The following SYNE1 variants were observed in gnomAD, a reference collection of about 807,000 sequenced individuals.
The protein encoded by SYNE1 is spectrin repeat containing nuclear envelope protein 1.
A neutral mutation model predicts 1,111.0 loss-of-function variants in SYNE1; 616 were observed. That is an observed-to-expected ratio of 0.55 (90% CI 0.52 to 0.59). The LOEUF (loss-of-function observed/expected upper bound fraction) is 0.59, where lower values mean the gene tolerates loss of function less well. SYNE1 is among the 20% of genes least tolerant of loss of function. The probability of loss-of-function intolerance (pLI) is 0.00; values close to 1 mark genes in which losing one functional copy is unlikely to be tolerated. For synonymous variants in SYNE1, 3,855 were observed against 3,825.8 expected (o/e 1.01, Z -0.28); for missense variants, 10,006 against 10,417.0 (o/e 0.96, Z 1.72).
chr6:152,257,767 A>G (rs915730893), intron 101 of SYNE1, among the ~76,000 whole-genome samples: 1 of 152,206 alleles, frequency 6.6e-6, no homozygotes, highest in Non-Finnish European at 1.5e-5. Flanking sequence ...GTCAATAGGT[A>G]TAGAAAAAAG....
Position 152,369,267 on chromosome 6 carries a change from C to G in SYNE1, c.9652-140G>C, listed in dbSNP as rs778888467. ...GGCTTTATTATCTCCAATCTACACA[C>G]CGTGGAGCACAAATCATGGAAGGAA... On this transcript the variant is annotated intron_variant, in intron 60 of 145. Transcript: ENST00000367255. 3 of 1,338,342 alleles carry G rather than the reference C, an allele frequency of 2.2e-6. No individual in the cohort carries two copies. The African/African-American group carries it at 4.3e-5, about 19-fold the overall frequency. The allele number at this position is 1,338,342 out of a possible 1,614,324, so 82.9% of individuals were successfully genotyped here. A position where few individuals can be genotyped will look rare whatever the true frequency, so the allele number is the denominator to read the frequency against.
rs17082448 is a variant in SYNE1, at chr6:152,318,049, C to G, written c.16572+32G>C. ...GCAGAACATGGAAGTTTCTGCCTTA[C>G]ACGATTTGGATTTCTGGCCCGGAAC... On this transcript the variant is annotated intron_variant, in intron 86 of 145. Coordinates refer to ENST00000367255, the MANE Select transcript of SYNE1 (RefSeq NM_182961.4). The G allele has an allele frequency of 0.051, 81,528 of 1,613,796 alleles. 3,145 individuals carry two copies. The highest frequency in any genetic ancestry group is 0.2 in the African/African-American group (15,225 of 74,976).
Position 152,636,110 on chromosome 6 carries a change from T to C in SYNE1, c.-224+528A>G, listed in dbSNP as rs149979701. Reference sequence around the variant, plus strand: ...AGACGAAAGTTCTCTTGCCCTCTAGTGCAGGCTCTGCCGGGAAGCAACTGC... The same window carrying C: ...AGACGAAAGTTCTCTTGCCCTCTAGCGCAGGCTCTGCCGGGAAGCAACTGC... On this transcript the variant is annotated intron_variant, in intron 2 of 145. Transcript: ENST00000367255. Among the ~76,000 whole-genome samples the C allele has an allele frequency of 3.4e-3, 513 of 152,312 alleles. 1 individual carries two copies. Among genetic ancestry groups the C allele is most frequent in the Non-Finnish European group, 6.4e-3 (434 of 68,026 alleles).
At chr6:152,427,861 T>C (rs1157124411) in intron 37 of SYNE1, 45 bp from the exon 38 acceptor site, 1 of 1,613,022 alleles carries the variant, frequency 6.2e-7, no homozygotes, top group African/African-American at 1.3e-5. Flanking sequence ...AAAATTATCA[T>C]GCTAGCAGAT....
At chr6:152,289,915 C>A (rs1038103065) in intron 95 of SYNE1, among the ~76,000 whole-genome samples, 1 of 145,444 alleles carries the variant, frequency 6.9e-6, no homozygotes, top group African/African-American at 2.5e-5. Flanking sequence ...CATGAGCTAC[C>A]GCGCCCAGCC....
At chr6:152,381,800 T>C (rs1433932346) in intron 55 of SYNE1, among the ~76,000 whole-genome samples, 3 of 152,164 alleles carry the variant, frequency 2.0e-5, no homozygotes, top group Admixed American at 1.3e-4. Context: ...AACAGGGTGG[T>C]GGCTTAAATC....
At chr6:152,230,409 A>G (rs993611546) in intron 115 of SYNE1, 138 bp downstream of exon 115, 2 of 923,122 alleles carry the variant, frequency 2.2e-6, no homozygotes, top group African/African-American at 3.4e-5. Flanking sequence ...AACTCACAAA[A>G]TCAGCAAAAT....
rs746113948 is a variant in SYNE1, at chr6:152,541,627, A to G, written c.68-1606T>C. On this transcript the variant is annotated intron_variant, in intron 3 of 145. Coordinates refer to ENST00000367255, the MANE Select transcript of SYNE1 (RefSeq NM_182961.4). ...GCCGGGTGTGCTGGCGGGCCTCTGT[A>G]GTCCCAGCTACTCAGGAGGCTGAGG... Among the ~76,000 whole-genome samples the G allele has an allele frequency of 4.4e-4, 67 of 151,874 alleles. 1 individual carries two copies. Among genetic ancestry groups the G allele is most frequent in the Admixed American group, 2.0e-4 (3 of 15,218 alleles).
rs1405575536 is a variant in SYNE1, at chr6:152,488,495, G to C, written c.948C>G (p.Asp316Glu). 6.4e-7 allele frequency: 1 copy of C among 1,570,130 alleles called. No individual in the cohort carries two copies. The highest frequency in any genetic ancestry group is 1.4e-5 in the African/African-American group (1 of 73,986). ...ANSVQNFKRE[D>E]RVIFKEMKVW... ...CTTTCATTTCCTTAAAAATTACTCTGTCTTCTCTCTGGAAATGAGGAGACA... is the reference window on the plus strand; with the variant it reads ...CTTTCATTTCCTTAAAAATTACTCTCTCTTCTCTCTGGAAATGAGGAGACA... Residue 316 changes from aspartate to glutamate, a missense_variant, in exon 12 of 146, where the codon GAC becomes GAG. Asp to Glu is a conservative substitution (Grantham distance 45). Coordinates refer to ENST00000367255, the MANE Select transcript of SYNE1 (RefSeq NM_182961.4).
intron 130 of SYNE1, among the ~76,000 whole-genome samples, chr6:152,171,875 C>T (rs1294929782): frequency 6.6e-6 from 1 of 152,096 alleles, no homozygotes; most frequent in Non-Finnish European, 1.5e-5. Flanking sequence ...GACTATTTGG[C>T]CCACAAAACT....
In SYNE1 at chr6:152,255,047, T is replaced by C. The variant is rs1433787324; in HGVS notation, c.19303A>G (p.Lys6435Glu). 8 of 1,609,874 alleles carry C rather than the reference T, an allele frequency of 5.0e-6. No homozygotes were observed. Among genetic ancestry groups the C allele is most frequent in the Non-Finnish European group, 6.8e-6 (8 of 1,177,450 alleles). Residue 6435 changes from lysine (K) to glutamate (E), a missense_variant, in exon 104 of 146, where the codon AAG becomes GAG. By Grantham distance (56) the Lys-to-Glu change is moderately conservative. Coordinates refer to ENST00000367255, the MANE Select transcript of SYNE1 (RefSeq NM_182961.4). ...GCTTGGGAAAACAAGTTTTTGTTCT[T>C]ATCCATTTCTTCAGACATTTCCTTA... ...DIKEMSEEMDKNKNLFSQAFP... is the reference protein window; with the variant it reads ...DIKEMSEEMDENKNLFSQAFP...
At chr6:152,464,605 C>A (rs2098753362) in intron 18 of SYNE1, among the ~76,000 whole-genome samples, 1 of 152,128 alleles carries the variant, frequency 6.6e-6, no homozygotes, top group Non-Finnish European at 1.5e-5. Flanking sequence ...CTAATGCATG[C>A]ATTTTTAGTA....
At chr6:152,515,990 T>A (rs988690386) in intron 6 of SYNE1, among the ~76,000 whole-genome samples, 1 of 152,184 alleles carries the variant, frequency 6.6e-6, no homozygotes, top group Admixed American at 6.5e-5. Context: ...ATAAATGTCC[T>A]GTTATCAAAA....
chr6:152,236,111 T>G lies in SYNE1; in HGVS notation c.20392A>C (p.Thr6798Pro). Residue 6798 changes from threonine (T) to proline (P), a missense_variant, in exon 110 of 146, where the codon ACC becomes CCC. Thr to Pro is a conservative substitution (Grantham distance 38). Coordinates refer to ENST00000367255, the MANE Select transcript of SYNE1 (RefSeq NM_182961.4). ...HRLETILKHW[T>P]RYQSESADLI... ...ACAAAACAGTCATTGTATTACCTGG[T>G]CCAGTGTTTCAATATTGTTTCCAGT... The G allele has an allele frequency of 6.2e-7, 1 of 1,614,032 alleles. No individual in the cohort carries two copies. Among genetic ancestry groups the G allele is most frequent in the Non-Finnish European group, 8.5e-7 (1 of 1,179,880 alleles).
At position 152,396,810 on chromosome 6, in the gene SYNE1, C is replaced by T. The variant is rs773657544; in HGVS notation, c.7521G>A (p.Lys2507=). The change falls in exon 50 of 146, where the codon AAG becomes AAA. Residue 2507 remains lysine, a synonymous_variant. Coordinates refer to ENST00000367255, the MANE Select transcript of SYNE1 (RefSeq NM_182961.4). ...QAFLKQCLKD[K]QALQDCASEL... Reference sequence around the variant, plus strand: ...CTGAAGCACAGTCTTGAAGAGCCTGCTTATCTTTAAGGCATTGTTTCAGAA... The same window carrying T: ...CTGAAGCACAGTCTTGAAGAGCCTGTTTATCTTTAAGGCATTGTTTCAGAA... The T allele has an allele frequency of 6.2e-7, 1 of 1,614,150 alleles. No individual in the cohort carries two copies.
Position 152,262,055 on chromosome 6 carries a change from G to A in SYNE1, c.18949C>T (p.Leu6317=), listed in dbSNP as rs2092076539. The part of the protein sequence containing the change: ...STKQKLLQNV[L]EQEQEQVLYS... Reference sequence around the variant, plus strand: ...ACCACTTGCTCTTGTTCCTGTTCCAGAACATTCTGTAGTAGTTTCTGCTTG... The same window carrying A: ...ACCACTTGCTCTTGTTCCTGTTCCAAAACATTCTGTAGTAGTTTCTGCTTG... The change falls in exon 101 of 146, where the codon CTG becomes TTG. Residue 6317 remains leucine, a synonymous_variant. Transcript: ENST00000367255. 1 of 1,613,290 alleles carries A rather than the reference G, an allele frequency of 6.2e-7. No individual in the cohort carries two copies.
intron 37 of SYNE1, 141 bp downstream of exon 37, chr6:152,428,064 C>A (rs2098387128): frequency 8.0e-7 from 1 of 1,254,392 alleles, no homozygotes; most frequent in Non-Finnish European, 1.1e-6. Flanking sequence ...TGCCTTATAA[C>A]AAAGATCAAG....
At chr6:152,508,445 C>CAAAGCATGAATGAAACATAGCTTTGA (rs2099069385) in intron 8 of SYNE1, among the ~76,000 whole-genome samples, 1 of 152,146 alleles carries the variant, frequency 6.6e-6, no homozygotes. Flanking sequence ...CTTTGAAACC[C>CAAAGCATGAATGAAACATAGCTTTGA]AACATAGCAT....
chr6:152,319,423 G>C (rs1290871163), intron 84 of SYNE1, among the ~76,000 whole-genome samples: 1 of 152,198 alleles, frequency 6.6e-6, no homozygotes, highest in East Asian at 1.9e-4. Context: ...GAAGCACACT[G>C]ATTTGTTTCC....
Sources: allele counts gnomAD v4.1 joint callset (sites outside exome capture counted in the v4.1 genomes callset), GRCh38; gene constraint gnomAD v4.1.1; transcripts MANE v1.5; gene names NCBI Gene and HGNC (gene_info 2026-07-23, HGNC 2026-07-21).